The following MLLT10 variants were observed in gnomAD, a reference collection of about 807,000 sequenced individuals.
MLLT10 encodes the protein protein AF-10.
In MLLT10, 30 loss-of-function variants were observed where a neutral mutation model predicts 129.1. The ratio of observed to expected loss-of-function variants is 0.23; its 90% CI spans 0.17 to 0.32. The LOEUF is 0.32. Among genes scored for constraint, MLLT10 ranks in the 10% least tolerant of loss-of-function variants. The pLI, the probability that MLLT10 is intolerant of heterozygous loss-of-function variation, is 1.00. For synonymous variants in MLLT10, 490 were observed against 446.4 expected (o/e 1.10, Z -1.23); for missense variants, 1,119 against 1,268.3 (o/e 0.88, Z 1.79).
intron 3 of MLLT10, chr10:21,556,911 T>A (rs1276960902): frequency 1.3e-6 from 2 of 1,550,234 alleles, no homozygotes; most frequent in Non-Finnish European, 1.7e-6. Context: ...ATCTCAGTTG[T>A]CATTTGGCGT....
intron 21 of MLLT10, among the ~76,000 whole-genome samples, chr10:21,737,413 G>C (rs554549895): frequency 1.3e-5 from 2 of 152,154 alleles, no homozygotes; most frequent in African/African-American, 4.8e-5. Context: ...ATGTGACAGC[G>C]TGTGTGTATG....
chr10:21,539,112 T>A (rs2034615274), intron 3 of MLLT10, 200 bp downstream of exon 3: 1 of 473,036 alleles, frequency 2.1e-6, no homozygotes, highest in Non-Finnish European at 3.7e-6. Context: ...GTGAGTATAT[T>A]TTGGATACTT....
intron 13 of MLLT10, among the ~76,000 whole-genome samples, chr10:21,705,329 T>A (rs1459176315): frequency 6.6e-6 from 1 of 152,126 alleles, no homozygotes; most frequent in Admixed American, 6.5e-5. Context: ...GTGCTAATGA[T>A]GTTGGATTGC....
chr10:21,552,383 T>G (rs2037203407), intron 3 of MLLT10, among the ~76,000 whole-genome samples: 1 of 151,366 alleles, frequency 6.6e-6, no homozygotes, highest in Admixed American at 6.6e-5. Flanking sequence ...TATATCTTCT[T>G]ATTGCTTTTT....
rs574964889 is a variant in MLLT10 at position 21,660,546 on chromosome 10, G to T, written c.795+8778G>T. The stretch of plus-strand genomic sequence containing the variant: ...CAGGAGAAGCACTTGAACCTGAGAG[G>T]CGGAGGTTGCAGTGACCCGAGATCT... On this transcript the variant is annotated intron_variant, in intron 9 of 22. Transcript: ENST00000307729. Among the ~76,000 whole-genome samples the T allele has an allele frequency of 6.8e-5, 10 of 147,660 alleles. No homozygotes were observed. In the South Asian group the frequency reaches 2.2e-3, roughly 33 times the overall value.
intron 16 of MLLT10, 130 bp from the exon 17 acceptor site, chr10:21,730,770 T>C: frequency 1.2e-6 from 1 of 831,508 alleles, no homozygotes; most frequent in Non-Finnish European, 1.9e-6. Flanking sequence ...TCCAGGAACC[T>C]GATACTTCTG....
In MLLT10 at chr10:21,743,459, T is replaced by G. The variant is rs1172032078; in HGVS notation, c.*1476T>G. 4 of 191,746 alleles carry G rather than the reference T, an allele frequency of 2.1e-5. No individual in the cohort carries two copies. The highest frequency in any genetic ancestry group is 9.3e-5 in the African/African-American group (4 of 43,084). The allele number at this position is 191,746 out of a possible 1,614,324, so 11.9% of individuals were successfully genotyped here. A position where few individuals can be genotyped will look rare whatever the true frequency, so the allele number is the denominator to read the frequency against. ...TTAAAGTCAAATCTTTTGTAGATAA[T>G]TTAAAAAATCAGTGTGGTTTATTTT... On this transcript the variant is annotated 3_prime_UTR_variant, in exon 23 of 23. Transcript: ENST00000307729.
chr10:21,579,440 T>A (rs2041140288), intron 3 of MLLT10, among the ~76,000 whole-genome samples: 1 of 151,972 alleles, frequency 6.6e-6, no homozygotes, highest in South Asian at 2.1e-4. Context: ...TCTTTCTCTC[T>A]TCTTCTTTTT....
At position 21,554,610 on chromosome 10, in the gene MLLT10, C is replaced by T. The variant is rs190171442; in HGVS notation, c.240+15698C>T. Among the ~76,000 whole-genome samples the T allele has an allele frequency of 6.4e-4, 97 of 151,626 alleles. No individual in the cohort carries two copies. In the South Asian group the frequency reaches 0.011, roughly 18 times the overall value. On this transcript the variant is annotated intron_variant, in intron 3 of 22. Coordinates refer to ENST00000307729, the MANE Select transcript of MLLT10 (RefSeq NM_001195626.3). ...CTGGGATTACAGACACGCACCACCA[C>T]GCCCGGCTAATTTTTTTTTTTTTTG...
intron 8 of MLLT10, among the ~76,000 whole-genome samples, chr10:21,623,217 G>A (rs1296599336): frequency 2.0e-5 from 3 of 152,138 alleles, no homozygotes; most frequent in African/African-American, 7.2e-5. Flanking sequence ...ATTGGTGATT[G>A]AATTCAACCT....
chr10:21,707,794 A>G (rs1312043011), intron 13 of MLLT10, among the ~76,000 whole-genome samples: 1 of 151,944 alleles, frequency 6.6e-6, no homozygotes, highest in East Asian at 1.9e-4. Flanking sequence ...CCTCTCTCCA[A>G]CTTTGTCTTT....
chr10:21,622,445 G>T (rs916826508), intron 8 of MLLT10, among the ~76,000 whole-genome samples: 1 of 151,716 alleles, frequency 6.6e-6, no homozygotes, highest in Non-Finnish European at 1.5e-5. Context: ...GATTACAGGC[G>T]TTAGCCACCA....
intron 4 of MLLT10, among the ~76,000 whole-genome samples, chr10:21,588,444 T>A (rs939654095): frequency 2.0e-5 from 3 of 152,160 alleles, no homozygotes; most frequent in Admixed American, 6.5e-5. Context: ...CAATCAGTTC[T>A]TGATGCACTT....
intron 8 of MLLT10, among the ~76,000 whole-genome samples, chr10:21,642,873 A>G (rs898590034): frequency 6.6e-6 from 1 of 152,140 alleles, no homozygotes; most frequent in African/African-American, 2.4e-5. Flanking sequence ...GGACTTTGTC[A>G]GCAAGAAAGA....
intron 13 of MLLT10, chr10:21,708,511 A>G: frequency 2.1e-6 from 2 of 931,886 alleles, no homozygotes; most frequent in Non-Finnish European, 2.6e-6. Context: ...AAGATTTAGA[A>G]TTTTAAGCTT....
intron 3 of MLLT10, among the ~76,000 whole-genome samples, chr10:21,542,549 A>G (rs1161431128): frequency 6.6e-6 from 1 of 152,176 alleles, no homozygotes; most frequent in Non-Finnish European, 1.5e-5. Context: ...CATCTTGGGC[A>G]ATGAGTGAAA....
At chr10:21,603,468 T>G (rs2043757727) in intron 5 of MLLT10, among the ~76,000 whole-genome samples, 1 of 152,216 alleles carries the variant, frequency 6.6e-6, no homozygotes, top group Non-Finnish European at 1.5e-5. Flanking sequence ...TTTAAAGCTT[T>G]AATACTTAAT....
intron 13 of MLLT10, among the ~76,000 whole-genome samples, chr10:21,700,476 T>C (rs888992349): frequency 2.0e-5 from 3 of 152,160 alleles, no homozygotes; most frequent in African/African-American, 7.2e-5. Flanking sequence ...CTTTTTCCTG[T>C]TGAGTATAAT....
At chr10:21,558,064 C>T (rs2130985960) in intron 3 of MLLT10, among the ~76,000 whole-genome samples, 1 of 150,560 alleles carries the variant, frequency 6.6e-6, no homozygotes, top group South Asian at 2.1e-4. Context: ...ATTCTCTGGC[C>T]TCAGCCTCCC....
Sources: gnomAD v4.1 joint callset for allele counts (sites outside exome capture counted in the v4.1 genomes callset) on GRCh38, gnomAD v4.1.1 for gene constraint, MANE v1.5 for transcripts, NCBI Gene and HGNC (gene_info 2026-07-23, HGNC 2026-07-21) for gene names.